CCDC17: variants seen among roughly 807,000 people sequenced by gnomAD.
The protein encoded by CCDC17 is coiled-coil domain containing 17.
CCDC17 carries 79 observed loss-of-function variants against 68.0 expected under a neutral mutation model. The ratio of observed to expected loss-of-function variants is 1.16; its 90% CI spans 0.97 to 1.40. The LOEUF is 1.40. Among genes scored for constraint, CCDC17 ranks in the 40% most tolerant of loss-of-function variants. The pLI is 0.00. For missense variants in CCDC17, 846 were observed against 811.5 expected (o/e 1.04, Z -0.52); for synonymous variants, 376 against 337.5 (o/e 1.11, Z -1.25).
At position 45,620,735 on chromosome 1, in the gene CCDC17, C is replaced by T. The variant is rs143313832; in HGVS notation, c.1698G>A (p.Gln566=). 1.9e-4 allele frequency: 301 copies of T among 1,604,916 alleles called. 1 individual carries two copies. In the African/African-American group the frequency reaches 2.8e-3, roughly 15 times the overall value. ...GCTGGGCCCTCACCGGAGGTGGGTACTGGTACTCATGGACACTTGCTGGAT... is the reference window on the plus strand; with the variant it reads ...GCTGGGCCCTCACCGGAGGTGGGTATTGGTACTCATGGACACTTGCTGGAT... ...EINPASVHEY[Q]YPPPVSSTSS... is the part of the protein sequence containing the mutation. Residue 566 remains glutamine, a synonymous_variant, in exon 12 of 13, where the codon CAG becomes CAA. Coordinates refer to ENST00000528266, the MANE Select transcript of CCDC17 (RefSeq NM_001114938.3).
Position 45,622,535 on chromosome 1 carries a change from G to GC in CCDC17, c.859+13dup, listed in dbSNP as rs750698844. The GC allele has an allele frequency of 9.7e-6, 15 of 1,549,714 alleles. No individual in the cohort carries two copies. The African/African-American group carries it at 2.1e-4, about 21-fold the overall frequency. Reference sequence around the variant, plus strand: ...CAGGACTGACCACCGCTGGCGAGAGGCCCTCCTGTTCACCTCTGCGGGTCT... The same window carrying GC: ...CAGGACTGACCACCGCTGGCGAGAGGCCCCTCCTGTTCACCTCTGCGGGTCT... On this transcript the variant is annotated intron_variant, in intron 6 of 12. Transcript: ENST00000528266.
At position 45,620,199 on chromosome 1, in the gene CCDC17, G is replaced by T; in HGVS notation, c.*76C>A. 1.4e-6 allele frequency: 2 copies of T among 1,473,804 alleles called. No homozygotes were observed. Among genetic ancestry groups the T allele is most frequent in the Non-Finnish European group, 9.1e-7 (1 of 1,101,220 alleles). The allele number at this position is 1,473,804 out of a possible 1,614,324, so 91.3% of individuals were successfully genotyped here. On this transcript the variant is annotated 3_prime_UTR_variant, in exon 13 of 13. Transcript: ENST00000528266. ...TCTAGACCCAATGTCAGAACATGGA[G>T]TAGTAAACCTGTAGGTCTGGAAATA...
At position 45,622,355 on chromosome 1, in the gene CCDC17, T is replaced by C. The variant is rs376865107; in HGVS notation, c.860-7A>G. On this transcript the variant is annotated splice_polypyrimidine_tract_variant and splice_region_variant and intron_variant, in intron 6 of 12. Transcript: ENST00000528266. The stretch of plus-strand genomic sequence containing the variant: ...GAGGTGGCACCTGCCCTTCCTGCGA[T>C]GAACAAGTGTGACCTGTCACCTTTG... The C allele has an allele frequency of 1.2e-6, 2 of 1,601,508 alleles. No homozygotes were observed. Among genetic ancestry groups the C allele is most frequent in the Non-Finnish European group, 8.5e-7 (1 of 1,175,612 alleles).
chr1:45,620,223 T>TAGGCAC lies in CCDC17; in HGVS notation c.*51_*52insGTGCCT. 3 of 1,547,842 alleles carry TAGGCAC rather than the reference T, an allele frequency of 1.9e-6. No homozygotes were observed. The highest frequency in any genetic ancestry group is 4.6e-5 in the East Asian group (2 of 43,042). On this transcript the variant is annotated 3_prime_UTR_variant, in exon 13 of 13. Transcript: ENST00000528266. ...AGTAGTAAACCTGTAGGTCTGGAAA[T>TAGGCAC]AGGCCCCAGTCCTGTGCATGTTCAG...
At chr1:45,622,495 G>A in intron 6 of CCDC17, 54 bp downstream of exon 6, 1 of 1,521,704 alleles carries the variant, frequency 6.6e-7, no homozygotes, top group Non-Finnish European at 8.9e-7. Context: ...CCTCCCTCGA[G>A]TTCTTTTCTC....
intron 7 of CCDC17, 121 bp downstream of exon 7, chr1:45,622,120 C>G: frequency 7.9e-7 from 1 of 1,268,408 alleles, no homozygotes; most frequent in Admixed American, 2.1e-5. Flanking sequence ...GGGATACACA[C>G]GTGCAGACAT....
chr1:45,623,976 G>A lies in CCDC17; in HGVS notation c.-67C>T. ...AGGGATCAAGGGCAGGGGAAAGGCA[G>A]AGGAGGATGAAAGAGACATAAAGCC... On this transcript the variant is annotated 5_prime_UTR_variant, in exon 1 of 13. Transcript: ENST00000528266. 1.7e-6 allele frequency: 2 copies of A among 1,145,758 alleles called. No individual in the cohort carries two copies. Among genetic ancestry groups the A allele is most frequent in the Non-Finnish European group, 2.4e-6 (2 of 820,652 alleles). 71.0% of individuals were successfully genotyped at this position (1,145,758 alleles called of 1,614,324 possible).
rs1423318998 is a variant in CCDC17, at chr1:45,621,483, C to A, written c.1186G>T (p.Ala396Ser). 1 of 1,582,644 alleles carries A rather than the reference C, an allele frequency of 6.3e-7. No homozygotes were observed. The highest frequency in any genetic ancestry group is 1.2e-5 in the South Asian group (1 of 86,566). ...MLGPAPYDPGAGLVIFYDFLR... is the reference protein window; with the variant it reads ...MLGPAPYDPGSGLVIFYDFLR... The stretch of plus-strand genomic sequence containing the variant: ...AAATCATAGAAAATGACCAGGCCAG[C>A]CCTGGGGAACACAAGTCTTAGCACA... Residue 396 changes from alanine (A) to serine (S), a missense_variant and splice_region_variant, in exon 10 of 13, where the codon GCT becomes TCT. Ala to Ser is a moderately conservative substitution (Grantham distance 99). Transcript: ENST00000528266.
chr1:45,622,152 C>T (rs1212347141), intron 7 of CCDC17, 89 bp downstream of exon 7: 25 of 1,346,486 alleles, frequency 1.9e-5, no homozygotes, highest in Non-Finnish European at 2.6e-5. Context: ...GTCACAAACA[C>T]GGGTCTTGTT....
At position 45,623,337 on chromosome 1, in the gene CCDC17, T is replaced by A. The variant is rs1282363374; in HGVS notation, c.373A>T (p.Ser125Cys). The A allele has an allele frequency of 6.4e-7, 1 of 1,550,650 alleles. No individual in the cohort carries two copies. The highest frequency in any genetic ancestry group is 2.4e-5 in the East Asian group (1 of 40,914). Residue 125 changes from serine to cysteine, a missense_variant, in exon 3 of 13, where the codon AGT (serine) becomes TGT (cysteine). Transcript: ENST00000528266. ...PWTRSEARPQSPMSEAVGSPS... is the reference protein window; with the variant it reads ...PWTRSEARPQCPMSEAVGSPS... ...CTTCCCACCGCCTCGGACATGGGAC[T>A]CTGAGGCCGCGCCTCGGAACGTGTC... is the stretch of plus-strand genomic sequence containing the variant.
rs1644339906 is a variant in CCDC17 at position 45,623,249 on chromosome 1, G to C, written c.461C>G (p.Ala154Gly). ...GCGTAGCTGCAGGGCCCGGCTCTGCGCTTCCATCTCCGCCACGCGCCTCGC... is the reference window on the plus strand; with the variant it reads ...GCGTAGCTGCAGGGCCCGGCTCTGCCCTTCCATCTCCGCCACGCGCCTCGC... ...TRARRVAEME[A>G]QSRALQLRGE... is the part of the protein sequence containing the mutation. The change falls in exon 3 of 13, where the codon GCG becomes GGG. Residue 154 changes from alanine to glycine, a missense_variant. Ala to Gly is a moderately conservative substitution (Grantham distance 60). Coordinates refer to ENST00000528266, the MANE Select transcript of CCDC17 (RefSeq NM_001114938.3). The C allele has an allele frequency of 3.2e-6, 5 of 1,545,388 alleles. No homozygotes were observed. Among genetic ancestry groups the C allele is most frequent in the Non-Finnish European group, 4.4e-6 (5 of 1,146,238 alleles).
At position 45,623,802 on chromosome 1, in the gene CCDC17, G is replaced by A. The variant is rs1455431084; in HGVS notation, c.108C>T (p.Gly36=). 2 of 1,551,638 alleles carry A rather than the reference G, an allele frequency of 1.3e-6. No homozygotes were observed. Among genetic ancestry groups the A allele is most frequent in the South Asian group, 1.2e-5 (1 of 84,058 alleles). The change falls in exon 1 of 13, where the codon GGC becomes GGT. Residue 36 remains glycine, a synonymous_variant. Transcript: ENST00000528266. ...LATHTQRFCI[G]HPTQEMTFGA... ...CAAATGTCATCTCTTGGGTCGGGTG[G>A]CCAATGCAGAAGCGCTGAGTATGGG... is the stretch of plus-strand genomic sequence containing the variant.
At position 45,623,890 on chromosome 1, in the gene CCDC17, T is replaced by G. The variant is rs1374809752; in HGVS notation, c.20A>C (p.Glu7Ala). 1 of 1,529,146 alleles carries G rather than the reference T, an allele frequency of 6.5e-7. No homozygotes were observed. Among genetic ancestry groups the G allele is most frequent in the Non-Finnish European group, 8.8e-7 (1 of 1,137,712 alleles). 94.7% of individuals were successfully genotyped at this position (1,529,146 alleles called of 1,614,324 possible). A position where few individuals can be genotyped will look rare whatever the true frequency, so the allele number is the denominator to read the frequency against. Residue 7 changes from glutamate (E) to alanine (A), a missense_variant, in exon 1 of 13, where the codon GAG becomes GCG. Coordinates refer to ENST00000528266, the MANE Select transcript of CCDC17 (RefSeq NM_001114938.3). MDSHSG[E>A]PALLPCGTCD... ...GGTCCCACAGGGCAGGAGCGCAGGC[T>G]CCCCAGAGTGGGAGTCCATGGGATG... is the stretch of plus-strand genomic sequence containing the variant.
rs930805327 is a variant in CCDC17 at position 45,623,371 on chromosome 1, C to T, written c.339G>A (p.Ala113=). The change falls in exon 3 of 13, where the codon GCG becomes GCA. Residue 113 remains alanine (A), a synonymous_variant. Transcript: ENST00000528266. The stretch of plus-strand genomic sequence containing the variant: ...GCGCCTCGGAACGTGTCCAGGGCCC[C>T]GCGAACACCCTGGGGACCTCTGTTA... ...PWITEVPRVF[A]GPWTRSEARP... The T allele has an allele frequency of 6.4e-7, 1 of 1,550,708 alleles. No homozygotes were observed. Among genetic ancestry groups the T allele is most frequent in the African/African-American group, 1.4e-5 (1 of 73,188 alleles).
Position 45,620,135 on chromosome 1 carries a change from T to C in CCDC17, c.*140A>G, listed in dbSNP as rs758861528. 3.5e-4 allele frequency: 290 copies of C among 840,444 alleles called. No individual in the cohort carries two copies. Among genetic ancestry groups the C allele is most frequent in the Non-Finnish European group, 3.9e-4 (223 of 567,968 alleles). 52.1% of individuals were successfully genotyped at this position (840,444 alleles called of 1,614,324 possible). A position where few individuals can be genotyped will look rare whatever the true frequency, so the allele number is the denominator to read the frequency against. On this transcript the variant is annotated 3_prime_UTR_variant, in exon 13 of 13. Coordinates refer to ENST00000528266, the MANE Select transcript of CCDC17 (RefSeq NM_001114938.3). ...GACTTAACGGGAGGTGGTAAAGCTG[T>C]GGTTGGAACTGGTTTTCTGTACTCA... is the stretch of plus-strand genomic sequence containing the variant.
chr1:45,622,563 G>T lies in CCDC17; in HGVS notation c.845C>A (p.Ser282Ter). Residue 282 changes from serine (S) to a stop codon, truncating the protein, a stop_gained, in exon 6 of 13, where the codon TCG becomes TAG. Coordinates refer to ENST00000528266, the MANE Select transcript of CCDC17 (RefSeq NM_001114938.3). LOFTEE classifies it high-confidence loss of function. ...VEASALELQR[S>*]QTRRGRAGAT... ...CTCCTGTTCACCTCTGCGGGTCTGC[G>T]ACCGCTGCAGCTCCAGTGCAGACGC... 2.6e-6 allele frequency: 4 copies of T among 1,551,958 alleles called. No individual in the cohort carries two copies. Among genetic ancestry groups the T allele is most frequent in the East Asian group, 2.4e-5 (1 of 40,934 alleles).
chr1:45,622,698 T>C lies in CCDC17; in HGVS notation c.741-31A>G, dbSNP rs531847804. The C allele has an allele frequency of 2.2e-5, 35 of 1,556,476 alleles. No homozygotes were observed. In the South Asian group the frequency reaches 3.4e-4, roughly 15 times the overall value. On this transcript the variant is annotated intron_variant, in intron 5 of 12. Transcript: ENST00000528266. ...GAGTGGGGAACAGGAAGGCCGTCTTTCCAGAACTGCTCAGCGCTTCGCCCT... is the reference window on the plus strand; with the variant it reads ...GAGTGGGGAACAGGAAGGCCGTCTTCCCAGAACTGCTCAGCGCTTCGCCCT...
chr1:45,622,556 G>A lies in CCDC17; in HGVS notation c.852C>T (p.Thr284=). Residue 284 remains threonine (T), a synonymous_variant, in exon 6 of 13, where the codon ACC becomes ACT. Transcript: ENST00000528266. The part of the protein sequence containing the change: ...ASALELQRSQ[T]RRGRAGATSG... ...AGAGGCCCTCCTGTTCACCTCTGCG[G>A]GTCTGCGACCGCTGCAGCTCCAGTG... 1 of 1,551,812 alleles carries A rather than the reference G, an allele frequency of 6.4e-7. No homozygotes were observed. The highest frequency in any genetic ancestry group is 8.7e-7 in the Non-Finnish European group (1 of 1,147,240).
chr1:45,621,141 G>T, intron 10 of CCDC17, 28 bp from the exon 11 acceptor site: 1 of 1,606,504 alleles, frequency 6.2e-7, no homozygotes, highest in Middle Eastern at 1.7e-4. Context: ...AGCAGTGTCG[G>T]AAGCCAGAGC....
Sources: gnomAD v4.1 joint callset for allele counts on GRCh38, gnomAD v4.1.1 for gene constraint, MANE v1.5 for transcripts, NCBI Gene and HGNC (gene_info 2026-07-23, HGNC 2026-07-21) for gene names.